The following PDIK1L variants were observed in gnomAD, a reference collection of about 807,000 sequenced individuals.
PDIK1L encodes the protein PDLIM1 interacting kinase 1 like, also known as serine/threonine-protein kinase PDIK1L.
A neutral mutation model predicts 27.1 loss-of-function variants in PDIK1L; 9 were observed. That is an observed-to-expected ratio of 0.33 (90% CI 0.20 to 0.58). The LOEUF (loss-of-function observed/expected upper bound fraction) is 0.58. PDIK1L is among the 20% of genes least tolerant of loss of function. The probability of loss-of-function intolerance (pLI) is 0.86; values close to 1 mark genes in which losing one functional copy is unlikely to be tolerated. For synonymous variants in PDIK1L, 130 were observed against 141.7 expected (o/e 0.92, Z 0.59); for missense variants, 216 against 413.2 (o/e 0.52, Z 4.14).
rs909680425 is a variant in PDIK1L at position 26,123,176 on chromosome 1, G to A, written c.*599G>A. The A allele has an allele frequency of 8.4e-6, 1 of 118,600 alleles. No homozygotes were observed. Among genetic ancestry groups the A allele is most frequent in the Non-Finnish European group, 1.9e-5 (1 of 53,680 alleles). 7.3% of individuals were successfully genotyped at this position (118,600 alleles called of 1,614,324 possible). On this transcript the variant is annotated 3_prime_UTR_variant, in exon 3 of 3. Coordinates refer to ENST00000374269, the MANE Select transcript of PDIK1L (RefSeq NM_152835.5). ...CCCCCTAATGAAATCATATTAAGTT[G>A]TTTTTTTTTTTTTTTGTAATATACA...
chr1:26,115,985 G>A (rs2087869835), intron 2 of PDIK1L, among the ~76,000 whole-genome samples: 1 of 152,226 alleles, frequency 6.6e-6, no homozygotes, highest in East Asian at 1.9e-4. Flanking sequence ...CGGATCACCT[G>A]AGGTCAGGAG....
chr1:26,122,291 T>C lies in PDIK1L; in HGVS notation c.740T>C (p.Ile247Thr). The change falls in exon 3 of 3, where the codon ATC (isoleucine) becomes ACC (threonine). Residue 247 changes from isoleucine (I) to threonine (T), a missense_variant. Coordinates refer to ENST00000374269, the MANE Select transcript of PDIK1L (RefSeq NM_152835.5). This position sits in a 1 kb window ranked among gnomAD's most constrained non-coding sequence, Gnocchi z 5.4. ...GACATCTTTGCTCTGGGGATTATCA[T>C]CTGGGCAATGCTGGAAAGGATCACA... ...KADIFALGII[I>T]WAMLERITFI... 6.2e-7 allele frequency: 1 copy of C among 1,614,182 alleles called. No homozygotes were observed. The highest frequency in any genetic ancestry group is 8.5e-7 in the Non-Finnish European group (1 of 1,180,018).
At chr1:26,112,488 CCAGGCTGGAGAGGA>C (rs1216598110) in intron 1 of PDIK1L, 1 of 152,328 alleles carries the variant, frequency 6.6e-6, no homozygotes, top group Non-Finnish European at 1.5e-5. Context: ...GGGGACTGTA[CCAGGCTGGAGAGGA>C]CATGGCACTG....
rs914297220 is a variant in PDIK1L at position 26,123,911 on chromosome 1, G to A, written c.*1334G>A. 10 of 152,530 alleles carry A rather than the reference G, an allele frequency of 6.6e-5. No individual in the cohort carries two copies. The highest frequency in any genetic ancestry group is 2.4e-4 in the African/African-American group (10 of 41,442). The allele number at this position is 152,530 out of a possible 1,614,324, so 9.4% of individuals were successfully genotyped here. On this transcript the variant is annotated 3_prime_UTR_variant, in exon 3 of 3. Coordinates refer to ENST00000374269, the MANE Select transcript of PDIK1L (RefSeq NM_152835.5). ...ATCTTTGTATGGTTGTCTACAATTT[G>A]TTTTCCTGTAAATGCAGATAGTTAA...
At chr1:26,116,693 C>G (rs1231371637) in intron 2 of PDIK1L, among the ~76,000 whole-genome samples, 1 of 152,144 alleles carries the variant, frequency 6.6e-6, no homozygotes, top group Non-Finnish European at 1.5e-5. Flanking sequence ...GTTTAGCACT[C>G]TGTGCCCTGA....
intron 2 of PDIK1L, among the ~76,000 whole-genome samples, chr1:26,120,950 CAAAAAAA>C (rs11316360): frequency 2.0e-4 from 19 of 96,314 alleles, no homozygotes; most frequent in African/African-American, 6.5e-4. Flanking sequence ...GACTCCGTCT[CAAAAAAA>C]AAAAAAAAAA....
chr1:26,116,261 A>G (rs890555139), intron 2 of PDIK1L, among the ~76,000 whole-genome samples: 9 of 151,956 alleles, frequency 5.9e-5, no homozygotes, highest in Admixed American at 6.6e-5. Flanking sequence ...TCTAATCCCA[A>G]CAATTTAGGA....
chr1:26,122,457 G>A lies in PDIK1L; in HGVS notation c.906G>A (p.Gly302=), dbSNP rs1169778489. ...CTGTGAAGAAAAAATCTATGAATGG[G>A]CGAATGAAACAACTGATTAAGGAAA... is the stretch of plus-strand genomic sequence containing the variant. The part of the protein sequence containing the change: ...LIPVKKKSMN[G]RMKQLIKEML... The change falls in exon 3 of 3, where the codon GGG becomes GGA. Residue 302 remains glycine, a synonymous_variant. Coordinates refer to ENST00000374269, the MANE Select transcript of PDIK1L (RefSeq NM_152835.5). The surrounding 1 kb of genome is among the most constrained non-coding windows in gnomAD (Gnocchi z 5.4). 6.2e-7 allele frequency: 1 copy of A among 1,614,130 alleles called. No individual in the cohort carries two copies. Among genetic ancestry groups the A allele is most frequent in the Admixed American group, 1.7e-5 (1 of 60,018 alleles).
In PDIK1L at chr1:26,122,609, T is replaced by C; in HGVS notation, c.*32T>C. 3 of 1,565,080 alleles carry C rather than the reference T, an allele frequency of 1.9e-6. No homozygotes were observed. The South Asian group carries it at 3.6e-5, about 19-fold the overall frequency. On this transcript the variant is annotated 3_prime_UTR_variant, in exon 3 of 3. Transcript: ENST00000374269. The surrounding 1 kb of genome is among the most constrained non-coding windows in gnomAD (Gnocchi z 5.4). ...TTATTTGCAAATACCATGGATGATA[T>C]GCTGCTTCTGTTTAACAGTGATGCA...
At position 26,121,892 on chromosome 1, in the gene PDIK1L, A is replaced by G; in HGVS notation, c.341A>G (p.Tyr114Cys). The change falls in exon 3 of 3, where the codon TAT (tyrosine) becomes TGT (cysteine). Residue 114 changes from tyrosine to cysteine, a missense_variant. Coordinates refer to ENST00000374269, the MANE Select transcript of PDIK1L (RefSeq NM_152835.5). ...GCCTTTGATCCCAGAAGCGCCTATT[A>G]TTTGTGGTTTGTGATGGATTTTTGT... Reference protein sequence around the residue: ...EIAFDPRSAYYLWFVMDFCDG... With the variant: ...EIAFDPRSAYCLWFVMDFCDG... 1 of 1,613,962 alleles carries G rather than the reference A, an allele frequency of 6.2e-7. No homozygotes were observed. The highest frequency in any genetic ancestry group is 8.5e-7 in the Non-Finnish European group (1 of 1,179,962).
intron 2 of PDIK1L, among the ~76,000 whole-genome samples, chr1:26,119,268 C>T (rs968152184): frequency 2.0e-5 from 3 of 151,932 alleles, no homozygotes; most frequent in African/African-American, 4.8e-5. Flanking sequence ...ATTAGACGGG[C>T]GTGGTGGTGC....
chr1:26,121,670 A>G (rs2087990705), intron 2 of PDIK1L, among the ~76,000 whole-genome samples, 167 bp from the exon 3 acceptor site: 1 of 152,132 alleles, frequency 6.6e-6, no homozygotes, highest in Non-Finnish European at 1.5e-5. Context: ...AAGTTGAAGC[A>G]TTTTTTAAAG....
Position 26,114,695 on chromosome 1 carries a change from T to C in PDIK1L, c.285+102T>C. 6 of 1,290,788 alleles carry C rather than the reference T, an allele frequency of 4.6e-6. No homozygotes were observed. The highest frequency in any genetic ancestry group is 6.4e-6 in the Non-Finnish European group (6 of 935,078). 80.0% of individuals were successfully genotyped at this position (1,290,788 alleles called of 1,614,324 possible). ...ACGAACGTTTCCCTTTAAATGCAGG[T>C]GTTTGTAGTTAGAAGTAGATAAGTG... On this transcript the variant is annotated intron_variant, in intron 2 of 2. Coordinates refer to ENST00000374269, the MANE Select transcript of PDIK1L (RefSeq NM_152835.5). The surrounding 1 kb of genome is among the most constrained non-coding windows in gnomAD (Gnocchi z 4.8).
At chr1:26,112,140 G>A (rs1337492585) in intron 1 of PDIK1L, among the ~76,000 whole-genome samples, 1 of 152,204 alleles carries the variant, frequency 6.6e-6, no homozygotes, top group African/African-American at 2.4e-5. Context: ...GCAACTGCAG[G>A]GCTGGCTCCT....
intron 2 of PDIK1L, among the ~76,000 whole-genome samples, chr1:26,118,057 C>CA (rs763719360): frequency 0.037 from 3,779 of 102,670 alleles, 122 homozygotes; most frequent in African/African-American, 0.11. Context: ...GACCCTGTCT[C>CA]AAAAAAAAAA....
Position 26,122,828 on chromosome 1 carries a change from ATTCTT to A in PDIK1L, c.*253_*257del. On this transcript the variant is annotated 3_prime_UTR_variant, in exon 3 of 3. Transcript: ENST00000374269. This position sits in a 1 kb window ranked among gnomAD's most constrained non-coding sequence, Gnocchi z 5.4. ...TTATTGATAGAAGTTTGGCAGGAAA[ATTCTT>A]TAAGAGCTAACAAGAGAAGAGAGTC... The A allele has an allele frequency of 1.3e-5, 4 of 312,012 alleles. No individual in the cohort carries two copies. Among genetic ancestry groups the A allele is most frequent in the Non-Finnish European group, 1.7e-5 (3 of 172,944 alleles). The allele number at this position is 312,012 out of a possible 1,614,324, so 19.3% of individuals were successfully genotyped here.
chr1:26,118,576 C>G (rs922292104), intron 2 of PDIK1L, among the ~76,000 whole-genome samples: 1 of 152,116 alleles, frequency 6.6e-6, no homozygotes, highest in Non-Finnish European at 1.5e-5. Context: ...TCTTCCTAGC[C>G]TCTATTTCTT....
chr1:26,112,007 G>A (rs61776585), intron 1 of PDIK1L, 92 bp downstream of exon 1: 1 of 152,128 alleles, frequency 6.6e-6, no homozygotes, highest in Admixed American at 6.5e-5. Context: ...TGTCACAGAC[G>A]TGTCAGCGGA....
At chr1:26,113,636 T>C (rs1480653683) in intron 1 of PDIK1L, among the ~76,000 whole-genome samples, 1 of 152,042 alleles carries the variant, frequency 6.6e-6, no homozygotes, top group Non-Finnish European at 1.5e-5. Flanking sequence ...TTTTACATAA[T>C]GAAAACAAAC....
Sources: allele counts gnomAD v4.1 joint callset (sites outside exome capture counted in the v4.1 genomes callset), GRCh38; gene constraint gnomAD v4.1.1; non-coding constraint Gnocchi (gnomAD v3.1); transcripts MANE v1.5; gene names NCBI Gene and HGNC (gene_info 2026-07-23, HGNC 2026-07-21).